The following DYNC2I2 variants were observed in gnomAD, a reference collection of about 807,000 sequenced individuals.
The protein encoded by DYNC2I2 is dynein 2 intermediate chain 2.
A neutral mutation model predicts 52.0 loss-of-function variants in DYNC2I2; 39 were observed. That is an observed-to-expected ratio of 0.75 (90% confidence interval 0.58 to 0.98). The LOEUF (loss-of-function observed/expected upper bound fraction) is 0.98. Among genes scored for constraint, DYNC2I2 ranks in the 50% least tolerant of loss-of-function variants. The pLI, the probability that DYNC2I2 is intolerant of heterozygous loss-of-function variation, is 0.00. For synonymous variants in DYNC2I2, 359 were observed against 321.1 expected (o/e 1.12, Z -1.26); for missense variants, 743 against 728.4 (o/e 1.02, Z -0.23).
chr9:128,666,800 A>C, the DYNC2I2 span, among the ~76,000 whole-genome samples: 1 of 151,352 alleles, frequency 6.6e-6, no homozygotes, highest in Non-Finnish European at 1.5e-5. Flanking sequence ...ATGGTGACTC[A>C]TGCCTGTTGT....
chr9:128,678,024 G>A, the DYNC2I2 span, among the ~76,000 whole-genome samples: 1 of 151,850 alleles, frequency 6.6e-6, no homozygotes, highest in Non-Finnish European at 1.5e-5. Flanking sequence ...ACGTGGGTTT[G>A]GACTTTGCTT....
At chr9:128,649,705 A>AAAAAAAAAAAAAAAAAAAC (rs1564344280) in intron 1 of DYNC2I2, among the ~76,000 whole-genome samples, 2 of 143,424 alleles carry the variant, frequency 1.4e-5, no homozygotes, top group African/African-American at 5.4e-5. Flanking sequence ...AAAAAAAAAA[A>AAAAAAAAAAAAAAAAAAAC]AAAACTGGGC....
the DYNC2I2 span, among the ~76,000 whole-genome samples, chr9:128,682,090 G>T: frequency 7.9e-4 from 118 of 148,586 alleles, no homozygotes; most frequent in African/African-American, 2.5e-3. Flanking sequence ...TGACAGTCTC[G>T]CTCTGTCGCT....
At chr9:128,665,804 G>A in the DYNC2I2 span, among the ~76,000 whole-genome samples, 1 of 149,182 alleles carries the variant, frequency 6.7e-6, no homozygotes, top group African/African-American at 2.5e-5. Flanking sequence ...CGGGCCCAGT[G>A]GCTCACGCCT....
Position 128,634,426 on chromosome 9 carries a change from G to A in DYNC2I2, c.1215-43C>T, listed in dbSNP as rs1316556733. On this transcript the variant is annotated intron_variant, in intron 7 of 8. Transcript: ENST00000372715. ...GGCCAGGCAAGGGAATCAGTGCTGG[G>A]GTCTGGGTGGTGCTGGCCCCCAACA... 11 of 1,533,080 alleles carry A rather than the reference G, an allele frequency of 7.2e-6. 2 individuals are homozygous for A. In the South Asian group the frequency reaches 1.4e-4, roughly 20 times the overall value. The allele number at this position is 1,533,080 out of a possible 1,614,324, so 95.0% of individuals were successfully genotyped here.
At chr9:128,636,549 C>T in intron 3 of DYNC2I2, 111 bp from the exon 4 acceptor site, 1 of 1,252,914 alleles carries the variant, frequency 8.0e-7, no homozygotes, top group South Asian at 1.4e-5. Context: ...TTGTCACCAC[C>T]AGACACTACT....
Position 128,637,027 on chromosome 9 carries a change from C to T in DYNC2I2, c.436G>A (p.Val146Met). The T allele has an allele frequency of 6.2e-7, 1 of 1,612,084 alleles. No individual in the cohort carries two copies. Among genetic ancestry groups the T allele is most frequent in the Non-Finnish European group, 8.5e-7 (1 of 1,179,196 alleles). The part of the protein sequence containing the change: ...EVNWTEQQQM[V>M]SCLYTLGYPP... Reference sequence around the variant, plus strand: ...TAGCCCAGGGTATACAGACAAGACACCTGCGGAGACGTCCCCAACCCTGAG... The same window carrying T: ...TAGCCCAGGGTATACAGACAAGACATCTGCGGAGACGTCCCCAACCCTGAG... Residue 146 changes from valine to methionine, a missense_variant and splice_region_variant, in exon 3 of 9, where the codon GTG (valine) becomes ATG (methionine). Coordinates refer to ENST00000372715, the MANE Select transcript of DYNC2I2 (RefSeq NM_052844.4).
chr9:128,670,304 G>T, the DYNC2I2 span, among the ~76,000 whole-genome samples: 1 of 151,262 alleles, frequency 6.6e-6, no homozygotes, highest in Non-Finnish European at 1.5e-5. Context: ...GCTGGGCGTC[G>T]TGGTGGGTGC....
intron 3 of DYNC2I2, 58 bp from the exon 4 acceptor site, chr9:128,636,496 C>T: frequency 6.5e-7 from 1 of 1,532,800 alleles, no homozygotes; most frequent in Non-Finnish European, 8.8e-7. Context: ...TATCACCCAC[C>T]CCACCTCTCT....
chr9:128,682,668 T>TTG, the DYNC2I2 span, among the ~76,000 whole-genome samples: 1 of 149,054 alleles, frequency 6.7e-6, no homozygotes, highest in South Asian at 2.1e-4. Context: ...GGATGGGACC[T>TTG]TGTCTTTTTT....
At position 128,634,825 on chromosome 9, in the gene DYNC2I2, G is replaced by A. The variant is rs1267785441; in HGVS notation, c.1078C>T (p.Leu360Phe). The change falls in exon 7 of 9, where the codon CTC becomes TTC. Residue 360 changes from leucine (L) to phenylalanine (F), a missense_variant. Transcript: ENST00000372715. The stretch of plus-strand genomic sequence containing the variant: ...TCTCCAGCTGCCAGGGAACACTTGA[G>A]CGGGAAGCCGCCTTCCGTGCCCAGA... ...FILGTEGGFP[L>F]KCSLAAGEAA... is the part of the protein sequence containing the mutation. 2 of 1,613,346 alleles carry A rather than the reference G, an allele frequency of 1.2e-6. No homozygotes were observed. The highest frequency in any genetic ancestry group is 1.1e-5 in the South Asian group (1 of 91,032).
the DYNC2I2 span, chr9:128,683,823 C>A: frequency 7.8e-7 from 1 of 1,290,082 alleles, no homozygotes; most frequent in Non-Finnish European, 1.1e-6. Context: ...GCACCTGGGG[C>A]AGTCTCAGTG....
intron 2 of DYNC2I2, 45 bp downstream of exon 2, chr9:128,640,645 AG>A: frequency 6.3e-7 from 1 of 1,583,718 alleles, no homozygotes; most frequent in Non-Finnish European, 8.6e-7. Context: ...AGGAGACAGA[AG>A]TGGGGCAGGG....
At chr9:128,635,930 T>C in intron 4 of DYNC2I2, 163 bp from the exon 5 acceptor site, 1 of 706,122 alleles carries the variant, frequency 1.4e-6, no homozygotes, top group Non-Finnish European at 2.5e-6. Context: ...AGCCCCCAGC[T>C]CCCCTGTTGT....
the DYNC2I2 span, among the ~76,000 whole-genome samples, chr9:128,680,143 C>T: frequency 6.6e-6 from 1 of 152,018 alleles, no homozygotes; most frequent in African/African-American, 2.4e-5. Context: ...TCACCACAAC[C>T]TCTGCCTCCC....
chr9:128,654,024 A>C (rs1166697892), intron 1 of DYNC2I2, among the ~76,000 whole-genome samples: 1 of 152,318 alleles, frequency 6.6e-6, no homozygotes, highest in South Asian at 2.1e-4. Context: ...AGAAAACAAA[A>C]AACAAAAACA....
rs1860423986 is a variant in DYNC2I2, at chr9:128,636,789, G to T, written c.545+129C>A. ...ACTTGTTGTCAACCCTGCCCAGGAA[G>T]GCTTGAGAAGAGACTCCCAGGATGG... On this transcript the variant is annotated intron_variant, in intron 3 of 8. Coordinates refer to ENST00000372715, the MANE Select transcript of DYNC2I2 (RefSeq NM_052844.4). The T allele has an allele frequency of 1.4e-5, 10 of 723,550 alleles. No homozygotes were observed. The South Asian group carries it at 1.7e-4, about 12-fold the overall frequency. The allele number at this position is 723,550 out of a possible 1,614,324, so 44.8% of individuals were successfully genotyped here. A position where few individuals can be genotyped will look rare whatever the true frequency, so the allele number is the denominator to read the frequency against.
the DYNC2I2 span, among the ~76,000 whole-genome samples, chr9:128,672,532 A>G: frequency 6.6e-6 from 1 of 152,010 alleles, no homozygotes; most frequent in Admixed American, 6.6e-5. Context: ...TCTCATTAAT[A>G]ATACCAGCTG....
At chr9:128,647,525 G>A (rs1186627625) in intron 1 of DYNC2I2, among the ~76,000 whole-genome samples, 2 of 152,112 alleles carry the variant, frequency 1.3e-5, no homozygotes, top group African/African-American at 4.8e-5. Context: ...CACGAGGTCA[G>A]GAGATCGAGA....
Sources: gnomAD v4.1 joint callset for allele counts (sites outside exome capture counted in the v4.1 genomes callset) on GRCh38, gnomAD v4.1.1 for gene constraint, MANE v1.5 for transcripts, NCBI Gene and HGNC (gene_info 2026-07-23, HGNC 2026-07-21) for gene names.